Variants in DOK6 observed in about 807,000 individuals in gnomAD.
DOK6 encodes the protein downstream of tyrosine kinase 6.
In DOK6, 22 loss-of-function variants were observed where a neutral mutation model predicts 44.0. That is an observed-to-expected ratio of 0.50 (90% CI 0.36 to 0.71). The LOEUF (loss-of-function observed/expected upper bound fraction) is 0.71. Ranked by LOEUF, DOK6 falls within the 30% of genes least tolerant of loss-of-function variation. DOK6 has a pLI of 0.00. For synonymous variants in DOK6, 166 were observed against 145.5 expected (o/e 1.14, Z -1.01); for missense variants, 340 against 416.4 (o/e 0.82, Z 1.60).
chr18:69,597,069 A>T (rs1446156601), intron 2 of DOK6, among the ~76,000 whole-genome samples: 1 of 151,922 alleles, frequency 6.6e-6, no homozygotes, highest in Non-Finnish European at 1.5e-5. Flanking sequence ...AAATTATATA[A>T]ATTAATTAAA....
At chr18:69,750,463 G>T (rs1366707981) in intron 6 of DOK6, among the ~76,000 whole-genome samples, 4 of 152,178 alleles carry the variant, frequency 2.6e-5, no homozygotes, top group Middle Eastern at 3.4e-3. Context: ...TGGCTACAAA[G>T]GTTCATAAAA....
intron 7 of DOK6, among the ~76,000 whole-genome samples, chr18:69,829,845 A>G (rs1981851719): frequency 6.6e-6 from 1 of 151,994 alleles, no homozygotes; most frequent in Admixed American, 6.6e-5. Context: ...ATTTTTAAAA[A>G]TCTAATAATA....
chr18:69,551,450 C>A (rs1415105096), intron 1 of DOK6, among the ~76,000 whole-genome samples: 2 of 152,080 alleles, frequency 1.3e-5, no homozygotes, highest in African/African-American at 4.8e-5. Flanking sequence ...CAATAAATAT[C>A]TTGATTATCA....
At chr18:69,474,353 C>G (rs1599148186) in intron 1 of DOK6, among the ~76,000 whole-genome samples, 1 of 152,204 alleles carries the variant, frequency 6.6e-6, no homozygotes, top group East Asian at 1.9e-4. Context: ...ACATGGCCCC[C>G]TAAGTATTGG....
At chr18:69,792,009 G>A (rs185452902) in intron 7 of DOK6, among the ~76,000 whole-genome samples, 1 of 152,048 alleles carries the variant, frequency 6.6e-6, no homozygotes, top group Non-Finnish European at 1.5e-5. Flanking sequence ...TGAAGAGATG[G>A]TCATTTCCCT....
At chr18:69,443,281 C>CA (rs1048954556) in intron 1 of DOK6, among the ~76,000 whole-genome samples, 1 of 152,114 alleles carries the variant, frequency 6.6e-6, no homozygotes, top group Non-Finnish European at 1.5e-5. Flanking sequence ...CTCCTCTCAG[C>CA]AAAAAACTAG....
intron 5 of DOK6, among the ~76,000 whole-genome samples, chr18:69,727,364 C>T (rs1022608820): frequency 1.3e-5 from 2 of 152,142 alleles, no homozygotes; most frequent in African/African-American, 2.4e-5. Flanking sequence ...TGTTCTAGCA[C>T]GTATCATTCT....
rs1033087525 is a variant in DOK6 at position 69,665,704 on chromosome 18, G to A, written c.290-12030G>A. Reference sequence around the variant, plus strand: ...CGATTGACTTTTTTAGAGAAGTTTTGGATTTCTTTGGCAGTTTAACTCTTT... The same window carrying A: ...CGATTGACTTTTTTAGAGAAGTTTTAGATTTCTTTGGCAGTTTAACTCTTT... On this transcript the variant is annotated intron_variant, in intron 3 of 7. Transcript: ENST00000382713. 7.2e-5 allele frequency among the ~76,000 whole-genome samples: 11 copies of A among 152,206 alleles called. No homozygotes were observed. The East Asian group carries it at 1.7e-3, about 24-fold the overall frequency.
In DOK6 at chr18:69,401,182, C is replaced by T; in HGVS notation, c.-63C>T. ...TGCGAGACCCGCGCAGACCCGGCGG[C>T]GGACGGCGGCTCTCGACTCCGGAGA... On this transcript the variant is annotated 5_prime_UTR_variant, in exon 1 of 8. Transcript: ENST00000382713. The T allele has an allele frequency of 2.0e-6, 3 of 1,481,488 alleles. No individual in the cohort carries two copies. Among genetic ancestry groups the T allele is most frequent in the Non-Finnish European group, 2.7e-6 (3 of 1,112,668 alleles). 91.8% of individuals were successfully genotyped at this position (1,481,488 alleles called of 1,614,324 possible).
intron 7 of DOK6, among the ~76,000 whole-genome samples, chr18:69,761,225 G>C (rs898174705): frequency 6.6e-6 from 1 of 150,646 alleles, no homozygotes; most frequent in Non-Finnish European, 1.5e-5. Flanking sequence ...TTTCCCTGGG[G>C]CCGGCTGCGA....
At chr18:69,741,468 T>A (rs1260688029) in intron 6 of DOK6, among the ~76,000 whole-genome samples, 1 of 152,188 alleles carries the variant, frequency 6.6e-6, no homozygotes, top group Non-Finnish European at 1.5e-5. Flanking sequence ...AATTTTTTTA[T>A]AGATACCTCA....
intron 3 of DOK6, among the ~76,000 whole-genome samples, chr18:69,667,278 G>A (rs758487320): frequency 6.6e-6 from 1 of 152,088 alleles, no homozygotes; most frequent in Admixed American, 6.6e-5. Context: ...CAGCTATTGT[G>A]CCAGATATTT....
chr18:69,752,172 A>C (rs568624963), intron 6 of DOK6, among the ~76,000 whole-genome samples: 1 of 152,254 alleles, frequency 6.6e-6, no homozygotes, highest in South Asian at 2.1e-4. Flanking sequence ...TAAAAGATAA[A>C]TATAAAAATA....
In DOK6 at chr18:69,811,524, TTATATATATATATA is replaced by T. The variant is rs57486782; in HGVS notation, c.857-29680_857-29667del. ...TAATTAGCTTGATTTAACCATTCCATTATATATATATATATATATATATATATATATATATATAT... is the reference window on the plus strand; with the variant it reads ...TAATTAGCTTGATTTAACCATTCCATTATATATATATATATATATATATAT... On this transcript the variant is annotated intron_variant, in intron 7 of 7. Coordinates refer to ENST00000382713, the MANE Select transcript of DOK6 (RefSeq NM_152721.6). 8.0e-4 allele frequency among the ~76,000 whole-genome samples: 75 copies of T among 93,738 alleles called. 1 individual carries two copies. Among genetic ancestry groups the T allele is most frequent in the Middle Eastern group, 5.9e-3 (1 of 170 alleles). 61.5% of individuals were successfully genotyped at this position (93,738 alleles called of 152,430 possible).
At chr18:69,734,393 CAAAAAAAAAAAAAA>C (rs60831756) in intron 5 of DOK6, among the ~76,000 whole-genome samples, 1 of 48,500 alleles carries the variant, frequency 2.1e-5, no homozygotes, top group Admixed American at 3.7e-4. Context: ...TTCATAGCAG[CAAAAAAAAAAAAAA>C]AAAAAAAAAG....
intron 5 of DOK6, among the ~76,000 whole-genome samples, chr18:69,715,518 C>G (rs1215742570): frequency 1.3e-5 from 2 of 152,216 alleles, no homozygotes; most frequent in African/African-American, 2.4e-5. Context: ...AATCAGCTCT[C>G]GCGATCTCAC....
At chr18:69,523,370 T>A (rs902849174) in intron 1 of DOK6, among the ~76,000 whole-genome samples, 1 of 152,072 alleles carries the variant, frequency 6.6e-6, no homozygotes, top group Non-Finnish European at 1.5e-5. Flanking sequence ...ATATTTTAAG[T>A]TTTATGTTCC....
chr18:69,554,847 T>C (rs1373893233), intron 1 of DOK6, among the ~76,000 whole-genome samples: 4 of 152,202 alleles, frequency 2.6e-5, no homozygotes, highest in Non-Finnish European at 5.9e-5. Flanking sequence ...ATTGATATCT[T>C]ATTGTGCTTT....
intron 7 of DOK6, among the ~76,000 whole-genome samples, chr18:69,805,510 AT>A (rs1219102907): frequency 1.3e-5 from 2 of 152,202 alleles, no homozygotes; most frequent in Non-Finnish European, 2.9e-5. Flanking sequence ...GTAATAAAAA[AT>A]AAAACAATTA....
Sources: gnomAD v4.1 joint callset for allele counts (sites outside exome capture counted in the v4.1 genomes callset) on GRCh38, gnomAD v4.1.1 for gene constraint, MANE v1.5 for transcripts, NCBI Gene and HGNC (gene_info 2026-07-23, HGNC 2026-07-21) for gene names.